NEMF: variants seen among roughly 807,000 people sequenced by gnomAD.
The protein encoded by NEMF is ribosome quality control complex subunit NEMF.
In NEMF, 89 loss-of-function variants were observed where a neutral mutation model predicts 162.2. The ratio of observed to expected loss-of-function variants is 0.55; its 90% CI spans 0.46 to 0.65. NEMF has a LOEUF of 0.65. Ranked by LOEUF, NEMF falls within the 30% of genes least tolerant of loss-of-function variation. The pLI, the probability that NEMF is intolerant of heterozygous loss-of-function variation, is 0.00. For missense variants in NEMF, 1,133 were observed against 1,261.9 expected (o/e 0.90, Z 1.55); for synonymous variants, 421 against 404.5 (o/e 1.04, Z -0.49).
chr14:49,782,925 T>C lies in NEMF; in HGVS notation c.*1711A>G. 6.2e-7 allele frequency: 1 copy of C among 1,613,592 alleles called. No individual in the cohort carries two copies. ...TTACTTCACAGTGTTAATCAGAGGT[T>C]TGGTAGTAACAACACTTCTGGATCT... On this transcript the variant is annotated 3_prime_UTR_variant, in exon 33 of 33. Coordinates refer to ENST00000298310, the MANE Select transcript of NEMF (RefSeq NM_004713.6).
In NEMF at chr14:49,851,590, A is replaced by G. The variant is rs760066088; in HGVS notation, c.204T>C (p.Asn68=). ...TCATGGCAAAACTAGACGGCATCAT[A>G]TTCTTAGGCCACTCAAATTCTGTTG... The part of the protein sequence containing the change: ...IHTTEFEWPK[N]MMPSSFAMKC... Residue 68 remains asparagine (N), a synonymous_variant, in exon 3 of 33, where the codon AAT becomes AAC. Transcript: ENST00000298310. 7 of 1,613,594 alleles carry G rather than the reference A, an allele frequency of 4.3e-6. No individual in the cohort carries two copies. The highest frequency in any genetic ancestry group is 5.9e-6 in the Non-Finnish European group (7 of 1,179,714).
chr14:49,794,042 A>G (rs750526462), intron 26 of NEMF, among the ~76,000 whole-genome samples: 2 of 152,154 alleles, frequency 1.3e-5, no homozygotes, highest in Non-Finnish European at 2.9e-5. Flanking sequence ...TTCTCAAATG[A>G]TCTACAATAT....
intron 18 of NEMF, among the ~76,000 whole-genome samples, chr14:49,811,842 A>G (rs1891495111): frequency 1.3e-5 from 2 of 152,086 alleles, no homozygotes; most frequent in African/African-American, 4.8e-5. Context: ...CAGTTTGCTA[A>G]TATTTTGTCA....
chr14:49,799,141 G>C (rs929990258), intron 25 of NEMF, among the ~76,000 whole-genome samples: 3 of 142,854 alleles, frequency 2.1e-5, no homozygotes, highest in Non-Finnish European at 4.5e-5. Context: ...CTGGGAGTTT[G>C]AGGCTGCAGT....
chr14:49,809,066 A>G lies in NEMF; in HGVS notation c.1745-2933T>C, dbSNP rs796177708. 1.4e-4 allele frequency among the ~76,000 whole-genome samples: 21 copies of G among 152,298 alleles called. 1 individual carries two copies. Among genetic ancestry groups the G allele is most frequent in the African/African-American group, 4.8e-4 (20 of 41,578 alleles). Reference sequence around the variant, plus strand: ...TGGCAGTGGAACAACAGGAACTCCCATTGCTGGTGGTGATGTAAAAGGGTA... The same window carrying G: ...TGGCAGTGGAACAACAGGAACTCCCGTTGCTGGTGGTGATGTAAAAGGGTA... On this transcript the variant is annotated intron_variant, in intron 18 of 32. Coordinates refer to ENST00000298310, the MANE Select transcript of NEMF (RefSeq NM_004713.6).
chr14:49,787,611 TA>T (rs1312625313), intron 28 of NEMF, among the ~76,000 whole-genome samples: 1 of 152,210 alleles, frequency 6.6e-6, no homozygotes, highest in Non-Finnish European at 1.5e-5. Flanking sequence ...CTTCACTTCC[TA>T]AAGGCCCAAC....
intron 11 of NEMF, 105 bp from the exon 12 acceptor site, chr14:49,829,531 A>G (rs1197221601): frequency 1.1e-6 from 1 of 927,438 alleles, no homozygotes; most frequent in East Asian, 2.6e-5. Context: ...CTATGCTGTT[A>G]TCTAGCTAGC....
intron 7 of NEMF, chr14:49,834,140 G>C (rs1006141560): frequency 1.7e-6 from 1 of 597,460 alleles, no homozygotes. Context: ...GCTCAGGCTG[G>C]AGTGCAGCTG....
At chr14:49,818,790 G>A (rs1248408097) in intron 16 of NEMF, among the ~76,000 whole-genome samples, 1 of 151,748 alleles carries the variant, frequency 6.6e-6, no homozygotes, top group Non-Finnish European at 1.5e-5. Context: ...CCCAAATGCT[G>A]CAGCAGCCAG....
chr14:49,802,430 A>T, intron 22 of NEMF, 23 bp downstream of exon 22: 5 of 1,608,102 alleles, frequency 3.1e-6, no homozygotes, highest in Non-Finnish European at 4.2e-6. Context: ...TCACAAGCTA[A>T]TTTCTTAAAA....
intron 15 of NEMF, among the ~76,000 whole-genome samples, chr14:49,826,723 A>C (rs573727658): frequency 5.2e-4 from 79 of 152,292 alleles, no homozygotes; most frequent in African/African-American, 1.7e-3. Flanking sequence ...GCAATGAACA[A>C]CACAAAGATT....
chr14:49,798,751 C>CA (rs1280490581), intron 25 of NEMF, among the ~76,000 whole-genome samples: 2 of 151,974 alleles, frequency 1.3e-5, no homozygotes, highest in East Asian at 3.9e-4. Flanking sequence ...ACTAAAAATA[C>CA]AAAAAATTAG....
chr14:49,808,991 C>T (rs937852071), intron 18 of NEMF, among the ~76,000 whole-genome samples: 1 of 152,152 alleles, frequency 6.6e-6, no homozygotes, highest in Non-Finnish European at 1.5e-5. Context: ...ATACACTATG[C>T]ATCAATGATA....
At chr14:49,839,026 T>A (rs1311656630) in intron 5 of NEMF, among the ~76,000 whole-genome samples, 3 of 152,098 alleles carry the variant, frequency 2.0e-5, no homozygotes, top group Non-Finnish European at 2.9e-5. Context: ...GGTGGCAATC[T>A]ATGTTTTAAC....
At chr14:49,788,168 A>G (rs1335042290) in intron 28 of NEMF, among the ~76,000 whole-genome samples, 1 of 151,526 alleles carries the variant, frequency 6.6e-6, no homozygotes, top group Non-Finnish European at 1.5e-5. Context: ...AATCCCAGCT[A>G]CTCAGAAGGC....
chr14:49,799,177 T>C lies in NEMF; in HGVS notation c.2465+298A>G, dbSNP rs140319025. Reference sequence around the variant, plus strand: ...GAGCCATGACTGCGCCATAGCACTCTAGCCTGGGCAACAAAGCGAGACCCT... The same window carrying C: ...GAGCCATGACTGCGCCATAGCACTCCAGCCTGGGCAACAAAGCGAGACCCT... On this transcript the variant is annotated intron_variant, in intron 25 of 32. Coordinates refer to ENST00000298310, the MANE Select transcript of NEMF (RefSeq NM_004713.6). Among the ~76,000 whole-genome samples the C allele has an allele frequency of 6.6e-3, 749 of 113,520 alleles. 11 individuals are homozygous for C. Among genetic ancestry groups the C allele is most frequent in the African/African-American group, 0.024 (711 of 29,234 alleles). 74.5% of individuals were successfully genotyped at this position (113,520 alleles called of 152,430 possible).
At chr14:49,843,093 G>C (rs997933167) in intron 4 of NEMF, among the ~76,000 whole-genome samples, 1 of 151,998 alleles carries the variant, frequency 6.6e-6, no homozygotes, top group Non-Finnish European at 1.5e-5. Context: ...ATCAGCAAAG[G>C]GCTCATAATC....
chr14:49,814,623 T>C (rs896577279), intron 17 of NEMF, 131 bp downstream of exon 17: 17 of 567,090 alleles, frequency 3.0e-5, no homozygotes, highest in African/African-American at 2.4e-4. Context: ...CCATGAAGCA[T>C]CATGCATCAA....
At chr14:49,803,168 A>G in intron 20 of NEMF, 69 bp downstream of exon 20, 4 of 1,120,992 alleles carry the variant, frequency 3.6e-6, no homozygotes, top group Non-Finnish European at 4.0e-6. Context: ...GAGTATTTGT[A>G]AACTGTCTCA....
Sources: gnomAD v4.1 joint callset for allele counts (sites outside exome capture counted in the v4.1 genomes callset) on GRCh38, gnomAD v4.1.1 for gene constraint, MANE v1.5 for transcripts, NCBI Gene and HGNC (gene_info 2026-07-23, HGNC 2026-07-21) for gene names.